The following NBPF11 variants were observed in gnomAD, a reference collection of about 807,000 sequenced individuals.
NBPF11 encodes NBPF member 11.
A neutral mutation model predicts 93.9 loss-of-function variants in NBPF11; 72 were observed. That is an observed-to-expected ratio of 0.77 (90% CI 0.63 to 0.93). NBPF11 has a LOEUF of 0.93. Ranked by LOEUF, NBPF11 falls within the 40% of genes least tolerant of loss-of-function variation. NBPF11 has a pLI of 0.00. For missense variants in NBPF11, 705 were observed against 802.2 expected (o/e 0.88, Z 1.46); for synonymous variants, 224 against 304.9 (o/e 0.73, Z 2.76).
At chr1:148,118,103 C>A (rs1427560171) in intron 11 of NBPF11, among the ~76,000 whole-genome samples, 19 of 149,228 alleles carry the variant, frequency 1.3e-4, no homozygotes, top group Non-Finnish European at 2.5e-4. Context: ...TGGACATTTC[C>A]ATGTGAAAAT....
At chr1:148,133,474 G>T (rs1456073056) in intron 4 of NBPF11, among the ~76,000 whole-genome samples, 1 of 151,986 alleles carries the variant, frequency 6.6e-6, no homozygotes, top group African/African-American at 2.4e-5. Flanking sequence ...CCCTTAATGG[G>T]GTTGGAAGTG....
intron 7 of NBPF11, 84 bp from the exon 8 acceptor site, chr1:148,122,885 T>G: frequency 1.2e-6 from 2 of 1,603,248 alleles, no homozygotes; most frequent in African/African-American, 2.7e-5. Context: ...GAGACATGAA[T>G]ATCTATGTAT....
intron 1 of NBPF11, among the ~76,000 whole-genome samples, chr1:148,147,554 C>G (rs1325205531): frequency 6.6e-6 from 1 of 152,012 alleles, no homozygotes; most frequent in Non-Finnish European, 1.5e-5. Flanking sequence ...CGAGGAGACC[C>G]GGCTGGGCCT....
At chr1:148,134,064 C>T (rs1438801273) in intron 4 of NBPF11, among the ~76,000 whole-genome samples, 1 of 152,012 alleles carries the variant, frequency 6.6e-6, no homozygotes, top group Non-Finnish European at 1.5e-5. Flanking sequence ...GAGGGCAAAT[C>T]CATGCAGCAT....
In NBPF11 at chr1:148,102,209, C is replaced by T. The variant is rs1302999415; in HGVS notation, c.*1687G>A. ...AATTAACTTTGGACAAAAATTAAAA[C>T]TCAGGCAAAGAATGTTTTCTTCTTT... On this transcript the variant is annotated 3_prime_UTR_variant, in exon 24 of 24. Coordinates refer to ENST00000682118, the MANE Select transcript of NBPF11 (RefSeq NM_001385469.3). 1.3e-5 allele frequency: 2 copies of T among 151,924 alleles called. No homozygotes were observed. The highest frequency in any genetic ancestry group is 1.5e-5 in the Non-Finnish European group (1 of 68,026). The allele number at this position is 151,924 out of a possible 1,614,324, so 9.4% of individuals were successfully genotyped here. A position where few individuals can be genotyped will look rare whatever the true frequency, so the allele number is the denominator to read the frequency against.
chr1:148,147,291 C>T (rs1673323273), intron 1 of NBPF11, among the ~76,000 whole-genome samples: 1 of 152,038 alleles, frequency 6.6e-6, no homozygotes, highest in African/African-American at 2.4e-5. Flanking sequence ...GCTGAGGCAG[C>T]ACTTGGGGCC....
chr1:148,143,430 G>A lies in NBPF11; in HGVS notation c.-292C>T, dbSNP rs1265716653. 1.4e-5 allele frequency: 13 copies of A among 921,594 alleles called. 2 individuals carry two copies. Among genetic ancestry groups the A allele is most frequent in the Admixed American group, 3.8e-5 (1 of 26,430 alleles). 57.1% of individuals were successfully genotyped at this position (921,594 alleles called of 1,614,324 possible). A position where few individuals can be genotyped will look rare whatever the true frequency, so the allele number is the denominator to read the frequency against. On this transcript the variant is annotated 5_prime_UTR_variant, in exon 2 of 24. Coordinates refer to ENST00000682118, the MANE Select transcript of NBPF11 (RefSeq NM_001385469.3). ...GGATTTTTACCTGTTGGATCTGGCA[G>A]CTCTTCATGTCGGCCCACACCATGT...
At chr1:148,149,252 G>A (rs1416146201) in intron 1 of NBPF11, 13 of 1,594,910 alleles carry the variant, frequency 8.2e-6, no homozygotes, top group African/African-American at 6.8e-5. Flanking sequence ...CGAGTGTGCC[G>A]CGGTGGTGCT....
At chr1:148,144,604 T>C (rs1672707514) in intron 1 of NBPF11, among the ~76,000 whole-genome samples, 1 of 151,910 alleles carries the variant, frequency 6.6e-6, no homozygotes, top group Non-Finnish European at 1.5e-5. Flanking sequence ...ATAACAATAA[T>C]GAATACTATA....
At chr1:148,134,171 G>T (rs2149272651) in intron 4 of NBPF11, among the ~76,000 whole-genome samples, 1 of 151,670 alleles carries the variant, frequency 6.6e-6, no homozygotes, top group East Asian at 1.9e-4. Flanking sequence ...TAATGCCTTG[G>T]TGAGGAGAAT....
chr1:148,150,519 A>G (rs1253111699), intron 1 of NBPF11, among the ~76,000 whole-genome samples: 3 of 151,742 alleles, frequency 2.0e-5, no homozygotes, highest in Admixed American at 2.0e-4. Context: ...TAGAAAAAAA[A>G]AAGAGCTTTT....
intron 11 of NBPF11, 45 bp downstream of exon 11, chr1:148,118,575 A>G (rs1667108165): frequency 6.4e-7 from 1 of 1,574,728 alleles, no homozygotes; most frequent in Non-Finnish European, 8.7e-7. Context: ...TACTTCAGAG[A>G]TTTACACACC....
intron 9 of NBPF11, among the ~76,000 whole-genome samples, chr1:148,121,024 T>C (rs1667698527): frequency 6.6e-6 from 1 of 152,000 alleles, no homozygotes; most frequent in Admixed American, 6.5e-5. Flanking sequence ...CATTTTGCTT[T>C]TTAAATTTTT....
At chr1:148,117,049 C>T (rs1272443529) in intron 12 of NBPF11, among the ~76,000 whole-genome samples, 1 of 152,238 alleles carries the variant, frequency 6.6e-6, no homozygotes, top group Admixed American at 6.5e-5. Context: ...GCCCCCACAT[C>T]AAGTGCCTTC....
rs1264866945 is a variant in NBPF11 at position 148,131,492 on chromosome 1, CTTAG to C, written c.-36+4176_-36+4179del. ...CAGAGGAAGGTCTTTAGGACTCAGA[CTTAG>C]TTATAGATTAAAAGAAGTTAATCAC... On this transcript the variant is annotated intron_variant, in intron 4 of 23. Coordinates refer to ENST00000682118, the MANE Select transcript of NBPF11 (RefSeq NM_001385469.3). Among the ~76,000 whole-genome samples, 10 of 151,164 alleles carry C rather than the reference CTTAG, an allele frequency of 6.6e-5. No individual in the cohort carries two copies. In the East Asian group the frequency reaches 7.8e-4, roughly 12 times the overall value.
chr1:148,109,204 T>C (rs1553268084), intron 17 of NBPF11, 80 bp downstream of exon 17: 5 of 1,007,564 alleles, frequency 5.0e-6, no homozygotes, highest in Non-Finnish European at 7.8e-6. Context: ...ATCATGATTT[T>C]CAGCGTGTAC....
intron 16 of NBPF11, among the ~76,000 whole-genome samples, 195 bp downstream of exon 16, chr1:148,110,183 G>A (rs1269357208): frequency 2.0e-5 from 3 of 151,940 alleles, no homozygotes; most frequent in Non-Finnish European, 4.4e-5. Context: ...ACTAGGAAGA[G>A]AGCAAAGCTC....
Position 148,120,954 on chromosome 1 carries a change from C to G in NBPF11, c.779-244G>C, listed in dbSNP as rs1667682296. ...GCTTATACGTTTCTATAAAGCAAGGCTTGGCCCTGAGATTTTTATCCCATG... is the reference window on the plus strand; with the variant it reads ...GCTTATACGTTTCTATAAAGCAAGGGTTGGCCCTGAGATTTTTATCCCATG... On this transcript the variant is annotated intron_variant, in intron 9 of 23. Coordinates refer to ENST00000682118, the MANE Select transcript of NBPF11 (RefSeq NM_001385469.3). Among the ~76,000 whole-genome samples, 4 of 152,184 alleles carry G rather than the reference C, an allele frequency of 2.6e-5. No individual in the cohort carries two copies. The South Asian group carries it at 8.3e-4, about 32-fold the overall frequency.
intron 18 of NBPF11, 45 bp downstream of exon 18, chr1:148,108,437 A>T (rs782041701): frequency 3.1e-6 from 4 of 1,311,140 alleles, no homozygotes; most frequent in Admixed American, 1.7e-5. Context: ...GACCCTAAAC[A>T]GAAGACTCAG....
Sources: gnomAD v4.1 joint callset for allele counts (sites outside exome capture counted in the v4.1 genomes callset) on GRCh38, gnomAD v4.1.1 for gene constraint, MANE v1.5 for transcripts, NCBI Gene and HGNC (gene_info 2026-07-23, HGNC 2026-07-21) for gene names.